CACFD1: variants seen among roughly 807,000 people sequenced by gnomAD.
CACFD1 encodes calcium channel flower homolog.
A neutral mutation model predicts 21.3 loss-of-function variants in CACFD1; 26 were observed. The observed-to-expected ratio is 1.22, with a 90% confidence interval of 0.89 to 1.69. The LOEUF is 1.69. Ranked by LOEUF, CACFD1 falls within the 40% of genes most tolerant of loss-of-function variation. CACFD1 has a pLI of 0.00. For missense variants in CACFD1, 265 were observed against 236.2 expected (o/e 1.12, Z -0.80); for synonymous variants, 121 against 106.6 (o/e 1.13, Z -0.83).
rs587676797 is a variant in CACFD1 at position 133,466,102 on chromosome 9, CCCT to C, written c.320+656_320+658del. Reference sequence around the variant, plus strand: ...AGAAGTCTAGATGCAAGCTTGCTTCCCCTTCAGAGAGGCCCGGTAGTTTTGATG... The same window carrying C: ...AGAAGTCTAGATGCAAGCTTGCTTCCTCAGAGAGGCCCGGTAGTTTTGATG... On this transcript the variant is annotated intron_variant, in intron 3 of 4. Coordinates refer to ENST00000316948, the MANE Select transcript of CACFD1 (RefSeq NM_017586.5). Among the ~76,000 whole-genome samples, 161 of 152,264 alleles carry C rather than the reference CCCT, an allele frequency of 1.1e-3. 1 individual carries two copies. The highest frequency in any genetic ancestry group is 3.8e-3 in the African/African-American group (157 of 41,542).
intron 4 of CACFD1, chr9:133,468,303 C>G: frequency 6.6e-7 from 1 of 1,522,992 alleles, no homozygotes; most frequent in Non-Finnish European, 8.8e-7. Context: ...AGGTCTGCAC[C>G]GGGCATTGTA....
At position 133,468,865 on chromosome 9, in the gene CACFD1, C is replaced by A; in HGVS notation, c.*212C>A. On this transcript the variant is annotated 3_prime_UTR_variant, in exon 5 of 5. Transcript: ENST00000316948. Reference sequence around the variant, plus strand: ...CTGGGCTGCTGGACTTGAGGCAGAGCCTGCAGCAGCTGTGTGGACACTACC... The same window carrying A: ...CTGGGCTGCTGGACTTGAGGCAGAGACTGCAGCAGCTGTGTGGACACTACC... 1.3e-6 allele frequency: 1 copy of A among 768,374 alleles called. No individual in the cohort carries two copies. Among genetic ancestry groups the A allele is most frequent in the Non-Finnish European group, 2.0e-6 (1 of 500,542 alleles). The allele number at this position is 768,374 out of a possible 1,614,324, so 47.6% of individuals were successfully genotyped here.
At chr9:133,460,238 CGCCCT>C in intron 1 of CACFD1, 51 bp downstream of exon 1, 1 of 1,457,378 alleles carries the variant, frequency 6.9e-7, no homozygotes, top group Non-Finnish European at 9.1e-7. Flanking sequence ...ATGCGCTCCT[CGCCCT>C]GCCCTGCCCC....
At position 133,465,356 on chromosome 9, in the gene CACFD1, C is replaced by A; in HGVS notation, c.229C>A (p.Pro77Thr). 1 of 1,614,110 alleles carries A rather than the reference C, an allele frequency of 6.2e-7. No individual in the cohort carries two copies. Among genetic ancestry groups the A allele is most frequent in the Non-Finnish European group, 8.5e-7 (1 of 1,179,972 alleles). Reference protein sequence around the residue: ...NAFILLLCEAPFCCQFIEFAN... With the variant: ...NAFILLLCEATFCCQFIEFAN... ...CTTCATCTTGTTGCTGTGTGAGGCG[C>A]CCTTCTGCTGCCAGTTCATCGAGTT... The change falls in exon 3 of 5, where the codon CCC (proline) becomes ACC (threonine). Residue 77 changes from proline to threonine, a missense_variant. Transcript: ENST00000316948. The surrounding 1 kb of genome is among the most constrained non-coding windows in gnomAD (Gnocchi z 5.0).
intron 1 of CACFD1, among the ~76,000 whole-genome samples, chr9:133,461,082 A>T (rs1554798442): frequency 1.3e-5 from 2 of 152,124 alleles, no homozygotes; most frequent in African/African-American, 4.8e-5. Context: ...GGATTACTGG[A>T]GTGGGCAAGG....
intron 3 of CACFD1, among the ~76,000 whole-genome samples, chr9:133,466,319 T>C (rs7869090): frequency 0.014 from 2,141 of 152,368 alleles, 40 homozygotes; most frequent in African/African-American, 0.049. Flanking sequence ...AGAACAATGT[T>C]ACTCGAAGCC....
intron 4 of CACFD1, 150 bp from the exon 5 acceptor site, chr9:133,468,413 C>T: frequency 2.0e-6 from 3 of 1,536,066 alleles, no homozygotes; most frequent in South Asian, 1.2e-5. Context: ...GGGGACAAGA[C>T]AGGCCTTTGC....
rs1416834060 is a variant in CACFD1 at position 133,468,463 on chromosome 9, AG to A, written c.429-98del. The stretch of plus-strand genomic sequence containing the variant: ...TCTCTGGGGAAATCAGAATGCCTGC[AG>A]GTCACACCTGGGTCACAGGGCAGGA... On this transcript the variant is annotated intron_variant, in intron 4 of 4. Coordinates refer to ENST00000316948, the MANE Select transcript of CACFD1 (RefSeq NM_017586.5). The A allele has an allele frequency of 7.2e-6, 11 of 1,537,584 alleles. No individual in the cohort carries two copies. In the African/African-American group the frequency reaches 1.4e-4, roughly 19 times the overall value.
chr9:133,467,973 A>T lies in CACFD1; in HGVS notation c.373A>T (p.Asn125Tyr). The change falls in exon 4 of 5, where the codon AAC becomes TAC. Residue 125 changes from asparagine to tyrosine, a missense_variant. Coordinates refer to ENST00000316948, the MANE Select transcript of CACFD1 (RefSeq NM_017586.5). ...CCTGACCCTGACCACGCTGCTGGGC[A>T]ACGCCATCGCCTTTGCTACGGGGGT... is the stretch of plus-strand genomic sequence containing the variant. ...ISLTLTTLLGNAIAFATGVLY... is the reference protein window; with the variant it reads ...ISLTLTTLLGYAIAFATGVLY... 1 of 1,613,944 alleles carries T rather than the reference A, an allele frequency of 6.2e-7. No homozygotes were observed. Among genetic ancestry groups the T allele is most frequent in the South Asian group, 1.1e-5 (1 of 91,084 alleles).
At position 133,469,528 on chromosome 9, in the gene CACFD1, G is replaced by A. The variant is rs1843591481; in HGVS notation, c.*875G>A. ...GCTCCTGCTGGCCTGCCCAAGCCCT[G>A]CCCTCAGGGAGCTTCTGCCTTTTAA... On this transcript the variant is annotated 3_prime_UTR_variant, in exon 5 of 5. Coordinates refer to ENST00000316948, the MANE Select transcript of CACFD1 (RefSeq NM_017586.5). 6.6e-6 allele frequency: 1 copy of A among 152,556 alleles called. No homozygotes were observed. Among genetic ancestry groups the A allele is most frequent in the Non-Finnish European group, 1.5e-5 (1 of 68,300 alleles). 9.5% of individuals were successfully genotyped at this position (152,556 alleles called of 1,614,324 possible).
At chr9:133,466,126 TG>T (rs1554799498) in intron 3 of CACFD1, among the ~76,000 whole-genome samples, 1 of 152,208 alleles carries the variant, frequency 6.6e-6, no homozygotes, top group Non-Finnish European at 1.5e-5. Flanking sequence ...CCGGTAGTTT[TG>T]ATGGTAAGAG....
In CACFD1 at chr9:133,469,924, TGCGTCTGAGGCTGGGAGTG is replaced by T. The variant is rs1843613769; in HGVS notation, c.*1274_*1292del. ...CCCAGGAACACCTCTCGGGCCCATC[TGCGTCTGAGGCTGGGAGTG>T]GCATCTGAGGCCGGGAGTGGCATCT... is the stretch of plus-strand genomic sequence containing the variant. On this transcript the variant is annotated 3_prime_UTR_variant, in exon 5 of 5. Transcript: ENST00000316948. The T allele has an allele frequency of 1.3e-5, 2 of 152,040 alleles. No homozygotes were observed. 9.4% of individuals were successfully genotyped at this position (152,040 alleles called of 1,614,324 possible).
chr9:133,463,126 A>G (rs1450681527), intron 1 of CACFD1, among the ~76,000 whole-genome samples: 1 of 152,182 alleles, frequency 6.6e-6, no homozygotes, highest in African/African-American at 2.4e-5. Context: ...TGAATCCTTG[A>G]GGGACATTCA....
chr9:133,460,265 G>C, intron 1 of CACFD1, 78 bp downstream of exon 1: 3 of 1,330,756 alleles, frequency 2.3e-6, no homozygotes, highest in Admixed American at 3.5e-5. Flanking sequence ...CCCCGCCCCG[G>C]CGGCCCCAGG....
Position 133,468,364 on chromosome 9 carries a change from C to T in CACFD1, c.429-199C>T, listed in dbSNP as rs587687727. The T allele has an allele frequency of 1.8e-5, 28 of 1,535,856 alleles. No homozygotes were observed. The African/African-American group carries it at 1.9e-4, about 10-fold the overall frequency. ...GAGCCCAGACTGAGGCTGGTTCCTT[C>T]GCAGCCCAGCATCCCAGGGAGCCTG... is the stretch of plus-strand genomic sequence containing the variant. On this transcript the variant is annotated intron_variant, in intron 4 of 4. Transcript: ENST00000316948.
Position 133,460,238 on chromosome 9 carries a change from C to CGCCCT in CACFD1, c.121+61_121+65dup, listed in dbSNP as rs782209844. ...CCGGCCCCGCCGCGCATGCGCTCCT[C>CGCCCT]GCCCTGCCCTGCCCCGCCCCGCCCC... is the stretch of plus-strand genomic sequence containing the variant. On this transcript the variant is annotated intron_variant, in intron 1 of 4. Coordinates refer to ENST00000316948, the MANE Select transcript of CACFD1 (RefSeq NM_017586.5). 8.3e-4 allele frequency: 1,208 copies of CGCCCT among 1,457,378 alleles called. 1 individual carries two copies. Among genetic ancestry groups the CGCCCT allele is most frequent in the African/African-American group, 2.8e-3 (190 of 67,884 alleles). 90.3% of individuals were successfully genotyped at this position (1,457,378 alleles called of 1,614,324 possible). A position where few individuals can be genotyped will look rare whatever the true frequency, so the allele number is the denominator to read the frequency against.
At chr9:133,467,012 G>A (rs909293648) in intron 3 of CACFD1, among the ~76,000 whole-genome samples, 19 of 152,106 alleles carry the variant, frequency 1.2e-4, no homozygotes, top group African/African-American at 4.6e-4. Context: ...GTTCCCCGCC[G>A]TGGTCTTTTT....
chr9:133,463,596 G>C, intron 2 of CACFD1, 41 bp downstream of exon 2: 1 of 1,606,602 alleles, frequency 6.2e-7, no homozygotes, highest in Non-Finnish European at 8.5e-7. Context: ...GGTCTTGCTG[G>C]TCGGGAATCT....
In CACFD1 at chr9:133,460,177, G is replaced by A. The variant is rs144774636; in HGVS notation, c.111G>A (p.Leu37=). 3,580 of 1,553,388 alleles carry A rather than the reference G, an allele frequency of 2.3e-3. 7 individuals are homozygous for A. The highest frequency in any genetic ancestry group is 2.5e-3 in the Non-Finnish European group (2,880 of 1,149,244). The change falls in exon 1 of 5, where the codon CTG becomes CTA. Residue 37 remains leucine, a synonymous_variant. Transcript: ENST00000316948. ...YRWLCRLSGV[L]GAVSCAISGL... ...GGCTGTGTCGCCTGTCTGGGGTGCT[G>A]GGGGCAGTCTGTGAGTATCCAGTCG...
Sources: gnomAD v4.1 joint callset for allele counts (sites outside exome capture counted in the v4.1 genomes callset) on GRCh38, gnomAD v4.1.1 for gene constraint, Gnocchi (gnomAD v3.1) non-coding constraint, MANE v1.5 for transcripts, NCBI Gene and HGNC (gene_info 2026-07-23, HGNC 2026-07-21) for gene names.